The following KANSL3 variants were observed in gnomAD, a reference collection of about 807,000 sequenced individuals.
KANSL3 encodes KAT8 regulatory NSL complex subunit 3.
KANSL3 carries 16 observed loss-of-function variants against 89.2 expected under a neutral mutation model. The ratio of observed to expected loss-of-function variants is 0.18; its 90% CI spans 0.12 to 0.27. The LOEUF (loss-of-function observed/expected upper bound fraction) is 0.27, where lower values mean the gene tolerates loss of function less well. Among genes scored for constraint, KANSL3 ranks in the 10% least tolerant of loss-of-function variants. The pLI, the probability that KANSL3 is intolerant of heterozygous loss-of-function variation, is 1.00. For synonymous variants in KANSL3, 385 were observed against 419.7 expected (o/e 0.92, Z 1.01); for missense variants, 879 against 1,110.6 (o/e 0.79, Z 2.96).
chr2:96,591,074 C>G (rs945948909), downstream of KANSL3, among the ~76,000 whole-genome samples: 2 of 152,194 alleles, frequency 1.3e-5, no homozygotes, highest in African/African-American at 4.8e-5. Context: ...TAGCCCCCAA[C>G]AGGGAACAAA....
At chr2:96,616,255 AC>A (rs893538458) in intron 5 of KANSL3, among the ~76,000 whole-genome samples, 4 of 152,214 alleles carry the variant, frequency 2.6e-5, no homozygotes, top group African/African-American at 4.8e-5. Flanking sequence ...GAGCCACTCA[AC>A]ACTTTGAGGC....
intron 9 of KANSL3, 130 bp downstream of exon 9, chr2:96,612,152 A>G: frequency 1.5e-6 from 1 of 684,622 alleles, no homozygotes; most frequent in Non-Finnish European, 2.6e-6. Flanking sequence ...TGTCTTCTAC[A>G]GTTTAAAATG....
chr2:96,599,633 G>GA (rs1027499994), intron 20 of KANSL3: 538 of 253,500 alleles, frequency 2.1e-3, no homozygotes, highest in Non-Finnish European at 3.0e-3. Context: ...TCAATAGAAA[G>GA]AAAAAAAAAT....
At chr2:96,583,013 T>C in the KANSL3 span, among the ~76,000 whole-genome samples, 2 of 152,228 alleles carry the variant, frequency 1.3e-5, no homozygotes, top group Non-Finnish European at 2.9e-5. Context: ...CCCCTCACTT[T>C]CCAGCTGCAA....
rs140031577 is a variant in KANSL3 at position 96,629,602 on chromosome 2, G to T, written c.386+1710C>A. ...CTCCCAAAGTACTGGGATTACAGGC[G>T]TGAGAAAAGAGCTTCTTAAGGCACT... On this transcript the variant is annotated intron_variant, in intron 3 of 20. Coordinates refer to ENST00000431828, the MANE Select transcript of KANSL3 (RefSeq NM_001115016.3). Among the ~76,000 whole-genome samples, 6 of 152,226 alleles carry T rather than the reference G, an allele frequency of 3.9e-5. No homozygotes were observed. The East Asian group carries it at 5.8e-4, about 15-fold the overall frequency.
At chr2:96,637,564 A>G (rs2074421752) in intron 1 of KANSL3, among the ~76,000 whole-genome samples, 1 of 152,136 alleles carries the variant, frequency 6.6e-6, no homozygotes, top group Non-Finnish European at 1.5e-5. Context: ...GTTGAAAGCT[A>G]AGGATCTCTG....
chr2:96,609,463 G>A (rs2068526238), intron 12 of KANSL3, 36 bp downstream of exon 12: 2 of 1,597,612 alleles, frequency 1.3e-6, no homozygotes, highest in Admixed American at 1.7e-5. Context: ...AGAAAGGCAA[G>A]CCTAGCTGAG....
At chr2:96,601,970 A>G in intron 19 of KANSL3, 146 bp downstream of exon 19, 2 of 1,152,610 alleles carry the variant, frequency 1.7e-6, no homozygotes, top group Non-Finnish European at 2.4e-6. Flanking sequence ...TCTCTGGGGG[A>G]TGGGTCCACA....
intron 14 of KANSL3, chr2:96,606,950 C>T: frequency 7.9e-7 from 1 of 1,260,956 alleles, no homozygotes; most frequent in Non-Finnish European, 1.0e-6. Flanking sequence ...GACGAGCAGG[C>T]AAGAAAGAGT....
intron 20 of KANSL3, among the ~76,000 whole-genome samples, chr2:96,597,082 ACTTTT>A (rs1415339792): frequency 6.6e-6 from 1 of 152,240 alleles, no homozygotes; most frequent in Non-Finnish European, 1.5e-5. Context: ...GTTGGTGTTC[ACTTTT>A]CTTTTTAAAT....
the KANSL3 span, among the ~76,000 whole-genome samples, chr2:96,584,433 C>T: frequency 6.6e-6 from 1 of 152,212 alleles, no homozygotes; most frequent in East Asian, 1.9e-4. Context: ...ATATCCAGCA[C>T]CTCAAAACAT....
chr2:96,584,716 G>A, the KANSL3 span, among the ~76,000 whole-genome samples: 1 of 151,962 alleles, frequency 6.6e-6, no homozygotes, highest in African/African-American at 2.4e-5. Flanking sequence ...TTTTAACTAG[G>A]TAGTATTTCA....
Position 96,602,316 on chromosome 2 carries a change from G to A in KANSL3, c.2282C>T (p.Thr761Ile), listed in dbSNP as rs372554319. Reference sequence around the variant, plus strand: ...GATGGCACCCAGGCTCTGCATGGGGGTGGGCAACTTCACACTGGTGGCCTG... The same window carrying A: ...GATGGCACCCAGGCTCTGCATGGGGATGGGCAACTTCACACTGGTGGCCTG... Reference protein sequence around the residue: ...APQATSVKLPTPMQSLGAITT... With the variant: ...APQATSVKLPIPMQSLGAITT... Residue 761 changes from threonine to isoleucine, a missense_variant, in exon 19 of 21, where the codon ACC becomes ATC. Coordinates refer to ENST00000431828, the MANE Select transcript of KANSL3 (RefSeq NM_001115016.3). The A allele has an allele frequency of 2.5e-6, 4 of 1,610,364 alleles. No individual in the cohort carries two copies. Among genetic ancestry groups the A allele is most frequent in the Non-Finnish European group, 3.4e-6 (4 of 1,178,666 alleles).
Position 96,636,969 on chromosome 2 carries a change from G to A in KANSL3, c.167C>T (p.Pro56Leu). Reference protein sequence around the residue: ...SAHPDASSARPTRMLFVTPRR... With the variant: ...SAHPDASSARLTRMLFVTPRR... ...GGGAGTGACAAAGAGCATGCGGGTG[G>A]GGCGGGCACTACTGGCATCTGGGTG... Residue 56 changes from proline (P) to leucine (L), a missense_variant, in exon 2 of 21, where the codon CCC (proline) becomes CTC (leucine). By Grantham distance (98) the Pro-to-Leu change is moderately conservative (BLOSUM62 -3). Transcript: ENST00000431828. 1 of 1,550,126 alleles carries A rather than the reference G, an allele frequency of 6.5e-7. No homozygotes were observed. The highest frequency in any genetic ancestry group is 8.7e-7 in the Non-Finnish European group (1 of 1,146,158).
At chr2:96,637,378 C>T (rs952354896) in intron 1 of KANSL3, 193 bp from the exon 2 acceptor site, 1 of 509,930 alleles carries the variant, frequency 2.0e-6, no homozygotes, top group East Asian at 3.2e-5. Context: ...AACTATGGTG[C>T]CACGAGTTGT....
At chr2:96,623,387 T>A (rs572304316) in intron 3 of KANSL3, among the ~76,000 whole-genome samples, 1 of 152,320 alleles carries the variant, frequency 6.6e-6, no homozygotes, top group East Asian at 1.9e-4. Flanking sequence ...CCAGCATCCT[T>A]TCCATCATAT....
At chr2:96,616,367 C>T (rs1346114110) in intron 5 of KANSL3, among the ~76,000 whole-genome samples, 2 of 152,158 alleles carry the variant, frequency 1.3e-5, no homozygotes, top group Admixed American at 6.5e-5. Flanking sequence ...GATAAAAAAT[C>T]AATACTGACT....
chr2:96,605,262 G>A, intron 15 of KANSL3, 58 bp downstream of exon 15: 1 of 1,442,694 alleles, frequency 6.9e-7, no homozygotes, highest in Non-Finnish European at 9.5e-7. Flanking sequence ...CCACCAAAGG[G>A]CAATGCTGTG....
At chr2:96,580,570 C>T in the KANSL3 span, among the ~76,000 whole-genome samples, 1 of 152,096 alleles carries the variant, frequency 6.6e-6, no homozygotes, top group African/African-American at 2.4e-5. Context: ...AAGAGGTTGT[C>T]CTGGAGCAGA....
Sources: allele counts gnomAD v4.1 joint callset (sites outside exome capture counted in the v4.1 genomes callset), GRCh38; gene constraint gnomAD v4.1.1; transcripts MANE v1.5; gene names NCBI Gene and HGNC (gene_info 2026-07-23, HGNC 2026-07-21).